Variants in LRR1 observed in about 807,000 individuals in gnomAD.
LRR1 encodes leucine rich repeat protein 1, also known as leucine-rich repeat protein 1.
LRR1 carries 29 observed loss-of-function variants against 31.6 expected under a neutral mutation model. That is an observed-to-expected ratio of 0.92 (90% CI 0.68 to 1.25). LRR1 has a LOEUF of 1.25. Among genes scored for constraint, LRR1 ranks in the 50% most tolerant of loss-of-function variants. The pLI is 0.00. For synonymous variants in LRR1, 179 were observed against 181.4 expected (o/e 0.99, Z 0.10); for missense variants, 485 against 487.2 (o/e 1.00, Z 0.04).
At position 49,598,970 on chromosome 14, in the gene LRR1, G is replaced by T. The variant is rs1481647077; in HGVS notation, c.-51G>T. 6.5e-7 allele frequency: 1 copy of T among 1,549,766 alleles called. No homozygotes were observed. The highest frequency in any genetic ancestry group is 2.0e-5 in the Admixed American group (1 of 50,982). ...CCCCGATGGCGGCGCCGGGTGGCGG[G>T]AAGGAGGAAGTTTCAAAGCCAGCTT... On this transcript the variant is annotated 5_prime_UTR_variant, in exon 1 of 4. Coordinates refer to ENST00000298288, the MANE Select transcript of LRR1 (RefSeq NM_152329.4).
chr14:49,607,350 A>C lies in LRR1; in HGVS notation c.283-50A>C, dbSNP rs753482191. 4.1e-6 allele frequency: 6 copies of C among 1,475,092 alleles called. No individual in the cohort carries two copies. In the South Asian group the frequency reaches 8.7e-5, roughly 21 times the overall value. 91.4% of individuals were successfully genotyped at this position (1,475,092 alleles called of 1,614,324 possible). On this transcript the variant is annotated intron_variant, in intron 2 of 3. Coordinates refer to ENST00000298288, the MANE Select transcript of LRR1 (RefSeq NM_152329.4). ...TTTGTTATGGGAAGAACTAGCATGT[A>C]TGTATTATCTCCAGTGGAATTTATA...
chr14:49,602,108 A>G (rs1300448752), intron 1 of LRR1, among the ~76,000 whole-genome samples: 1 of 139,474 alleles, frequency 7.2e-6, no homozygotes, highest in Non-Finnish European at 1.5e-5. Flanking sequence ...CCTGGGTGAG[A>G]GTGAGTGAGA....
chr14:49,601,158 T>G, intron 1 of LRR1: 1 of 1,597,542 alleles, frequency 6.3e-7, no homozygotes, highest in African/African-American at 1.3e-5. Context: ...AAAGAACAAA[T>G]GTTTTATTAC....
intron 2 of LRR1, among the ~76,000 whole-genome samples, chr14:49,606,725 C>T (rs372348904): frequency 4.0e-5 from 6 of 151,212 alleles, no homozygotes; most frequent in South Asian, 2.1e-4. Flanking sequence ...GGCACAATCT[C>T]GGCTCACTGC....
At chr14:49,606,934 G>A (rs1176190677) in intron 2 of LRR1, among the ~76,000 whole-genome samples, 1 of 152,204 alleles carries the variant, frequency 6.6e-6, no homozygotes, top group Admixed American at 6.5e-5. Flanking sequence ...TGGGATTACA[G>A]GCGTGAGCCA....
At position 49,601,121 on chromosome 14, in the gene LRR1, C is replaced by A. The variant is rs1030623481; in HGVS notation, c.184-1249C>A. On this transcript the variant is annotated intron_variant, in intron 1 of 3. Coordinates refer to ENST00000298288, the MANE Select transcript of LRR1 (RefSeq NM_152329.4). ...CCAAGCGTACAGGAGATGGGCCATA[C>A]CTGAGGAGAGAATGTATGAGATCAA... is the stretch of plus-strand genomic sequence containing the variant. 3.1e-6 allele frequency: 5 copies of A among 1,610,614 alleles called. No individual in the cohort carries two copies. In the African/African-American group the frequency reaches 6.7e-5, roughly 22 times the overall value.
At position 49,600,436 on chromosome 14, in the gene LRR1, G is replaced by T. The variant is rs1269910907; in HGVS notation, c.183+1233G>T. On this transcript the variant is annotated intron_variant, in intron 1 of 3. Coordinates refer to ENST00000298288, the MANE Select transcript of LRR1 (RefSeq NM_152329.4). ...GAAAAACCTATATGTGTGGAACAAG[G>T]ACAGAAACTAGCAAAAGAGATAGGA... The T allele has an allele frequency of 2.5e-6, 4 of 1,601,406 alleles. No individual in the cohort carries two copies. In the Admixed American group the frequency reaches 6.7e-5, roughly 27 times the overall value.
chr14:49,609,160 G>A (rs981767522), intron 3 of LRR1, among the ~76,000 whole-genome samples: 2 of 146,452 alleles, frequency 1.4e-5, no homozygotes, highest in South Asian at 2.1e-4. Context: ...CTCGTGATCC[G>A]CCCGTCTTGG....
chr14:49,608,388 C>A, intron 3 of LRR1, among the ~76,000 whole-genome samples: 1 of 113,278 alleles, frequency 8.8e-6, no homozygotes, highest in Non-Finnish European at 1.8e-5. Flanking sequence ...TTTATTCCTT[C>A]CCTCCTTACA....
chr14:49,601,919 G>C (rs986048944), intron 1 of LRR1, among the ~76,000 whole-genome samples: 3 of 151,762 alleles, frequency 2.0e-5, no homozygotes, highest in Non-Finnish European at 2.9e-5. Context: ...GATCACTTGA[G>C]GCCAGGAGTT....
At position 49,614,599 on chromosome 14, in the gene LRR1, C is replaced by T. The variant is rs765407184; in HGVS notation, c.*103C>T. 7.5e-6 allele frequency: 11 copies of T among 1,465,042 alleles called. No homozygotes were observed. Among genetic ancestry groups the T allele is most frequent in the East Asian group, 2.3e-5 (1 of 44,070 alleles). The allele number at this position is 1,465,042 out of a possible 1,614,324, so 90.8% of individuals were successfully genotyped here. A position where few individuals can be genotyped will look rare whatever the true frequency, so the allele number is the denominator to read the frequency against. ...GTAAGGGAAGATTTCTGTATACTTGCTGGAGAGGAGGAATGTGTATAGTTA... is the reference window on the plus strand; with the variant it reads ...GTAAGGGAAGATTTCTGTATACTTGTTGGAGAGGAGGAATGTGTATAGTTA... On this transcript the variant is annotated 3_prime_UTR_variant, in exon 4 of 4. Coordinates refer to ENST00000298288, the MANE Select transcript of LRR1 (RefSeq NM_152329.4).
chr14:49,604,738 C>T (rs970307876), intron 2 of LRR1, among the ~76,000 whole-genome samples: 4 of 152,098 alleles, frequency 2.6e-5, no homozygotes, highest in African/African-American at 4.8e-5. Context: ...TGCCACTGTA[C>T]TCCAGCATGG....
chr14:49,602,509 T>C (rs2139535277), intron 2 of LRR1, 41 bp downstream of exon 2: 1 of 1,521,824 alleles, frequency 6.6e-7, no homozygotes, highest in South Asian at 1.1e-5. Flanking sequence ...TTTGGCTGTA[T>C]TTTCTTTATT....
chr14:49,613,690 C>T lies in LRR1; in HGVS notation c.1005-566C>T, dbSNP rs1427917273. Reference sequence around the variant, plus strand: ...AATTATCTGGGCGTGGTGGTAGGCGCCTGTAATCCCAGCTACTTGGGAGGC... The same window carrying T: ...AATTATCTGGGCGTGGTGGTAGGCGTCTGTAATCCCAGCTACTTGGGAGGC... On this transcript the variant is annotated intron_variant, in intron 3 of 3. Coordinates refer to ENST00000298288, the MANE Select transcript of LRR1 (RefSeq NM_152329.4). Among the ~76,000 whole-genome samples the T allele has an allele frequency of 2.0e-5, 3 of 151,994 alleles. No individual in the cohort carries two copies. The East Asian group carries it at 5.8e-4, about 29-fold the overall frequency.
At position 49,599,075 on chromosome 14, in the gene LRR1, C is replaced by A; in HGVS notation, c.55C>A (p.Leu19Ile). 1 of 1,609,258 alleles carries A rather than the reference C, an allele frequency of 6.2e-7. No homozygotes were observed. The highest frequency in any genetic ancestry group is 2.2e-5 in the East Asian group (1 of 44,758). Reference protein sequence around the residue: ...VISRHLPALGLRNRGKGVRAV... With the variant: ...VISRHLPALGIRNRGKGVRAV... ...CAGCCGGCACTTGCCCGCCTTGGGG[C>A]TTAGGAACCGGGGCAAGGGCGTCCG... Residue 19 changes from leucine to isoleucine, a missense_variant, in exon 1 of 4, where the codon CTT (leucine) becomes ATT (isoleucine). Leu to Ile is a conservative substitution (Grantham distance 5, BLOSUM62 2). Transcript: ENST00000298288.
At chr14:49,600,558 A>C in intron 1 of LRR1, 2 of 1,576,006 alleles carry the variant, frequency 1.3e-6, no homozygotes, top group Non-Finnish European at 1.7e-6. Context: ...AAAGAAACAC[A>C]CTGTAAAAAA....
Position 49,607,717 on chromosome 14 carries a change from A to G in LRR1, c.600A>G (p.Ile200Met). The change falls in exon 3 of 4, where the codon ATA becomes ATG. Residue 200 changes from isoleucine to methionine, a missense_variant. This residue lies in a region of LRR1 where 260 missense variants were observed against 249.6 expected (regional missense o/e 1.04). Transcript: ENST00000298288. ...KKLPATIGDL[I>M]HLQELNLNDN... is the part of the protein sequence containing the mutation. Reference sequence around the variant, plus strand: ...TTCCAGCTACAATTGGAGACCTCATACACCTTCAAGAACTTAACCTGAATG... The same window carrying G: ...TTCCAGCTACAATTGGAGACCTCATGCACCTTCAAGAACTTAACCTGAATG... 1 of 1,612,982 alleles carries G rather than the reference A, an allele frequency of 6.2e-7. No individual in the cohort carries two copies. Among genetic ancestry groups the G allele is most frequent in the Non-Finnish European group, 8.5e-7 (1 of 1,179,414 alleles).
chr14:49,601,395 A>G, intron 1 of LRR1: 1 of 493,840 alleles, frequency 2.0e-6, no homozygotes, highest in Non-Finnish European at 3.6e-6. Context: ...CCTGGTACAT[A>G]GTGGGTTCTG....
chr14:49,606,051 T>C (rs1462379647), intron 2 of LRR1, among the ~76,000 whole-genome samples: 1 of 150,800 alleles, frequency 6.6e-6, no homozygotes, highest in Non-Finnish European at 1.5e-5. Context: ...TTTTTTTATA[T>C]GGAGTCGCTC....
Sources: gnomAD v4.1 joint callset for allele counts (sites outside exome capture counted in the v4.1 genomes callset) on GRCh38, gnomAD v4.1.1 for gene constraint, gnomAD v4.1.1 regional missense constraint, MANE v1.5 for transcripts, NCBI Gene and HGNC (gene_info 2026-07-23, HGNC 2026-07-21) for gene names.